Variants in ATL2 observed in about 807,000 individuals in gnomAD.
The protein encoded by ATL2 is atlastin-2.
A neutral mutation model predicts 73.9 loss-of-function variants in ATL2; 31 were observed. The observed-to-expected ratio is 0.42, with a 90% confidence interval of 0.32 to 0.57. The LOEUF (loss-of-function observed/expected upper bound fraction) is 0.57, where lower values mean the gene tolerates loss of function less well. ATL2 is among the 20% of genes least tolerant of loss of function. The pLI is 0.14. For synonymous variants in ATL2, 291 were observed against 237.5 expected (o/e 1.23, Z -2.07); for missense variants, 738 against 702.6 (o/e 1.05, Z -0.57).
intron 1 of ATL2, among the ~76,000 whole-genome samples, chr2:38,360,295 ATTTGT>A (rs1240851435): frequency 3.0e-5 from 4 of 133,872 alleles, no homozygotes; most frequent in African/African-American, 1.2e-4. Context: ...TGTTTTGCTT[ATTTGT>A]TTTGAGATGG....
chr2:38,364,872 G>A (rs1445368549), intron 1 of ATL2, among the ~76,000 whole-genome samples: 11 of 151,936 alleles, frequency 7.2e-5, no homozygotes, highest in Non-Finnish European at 1.5e-4. Flanking sequence ...GTGAAACTCC[G>A]TCTCTACTAA....
At chr2:38,357,864 G>T (rs1267227891) in intron 1 of ATL2, among the ~76,000 whole-genome samples, 1 of 151,896 alleles carries the variant, frequency 6.6e-6, no homozygotes, top group African/African-American at 2.4e-5. Flanking sequence ...CACTCCCACA[G>T]GCTTTATAGA....
chr2:38,309,874 CAGCCATACTGTAAAAGTTTTG>C (rs1667652857), intron 8 of ATL2, among the ~76,000 whole-genome samples: 1 of 152,050 alleles, frequency 6.6e-6, no homozygotes, highest in Non-Finnish European at 1.5e-5. Flanking sequence ...TATGTTTTAC[CAGCCATACTGTAAAAGTTTTG>C]TCAATCCCCA....
intron 1 of ATL2, among the ~76,000 whole-genome samples, chr2:38,356,735 A>C (rs1573564423): frequency 6.6e-6 from 1 of 152,204 alleles, no homozygotes; most frequent in Non-Finnish European, 1.5e-5. Context: ...AATGTAAATA[A>C]AATTAAATAA....
At chr2:38,342,531 T>C (rs985268498) in intron 2 of ATL2, among the ~76,000 whole-genome samples, 3 of 152,060 alleles carry the variant, frequency 2.0e-5, no homozygotes, top group African/African-American at 7.2e-5. Context: ...AGAGATGAGA[T>C]TCAGAGATCA....
intron 1 of ATL2, among the ~76,000 whole-genome samples, chr2:38,352,952 G>C (rs1293531196): frequency 6.6e-6 from 1 of 152,212 alleles, no homozygotes; most frequent in African/African-American, 2.4e-5. Flanking sequence ...CCAAGGTCAA[G>C]ATCCATCAGT....
At chr2:38,347,767 CTTTTTTTTT>C (rs1177228968) in intron 1 of ATL2, among the ~76,000 whole-genome samples, 2 of 133,900 alleles carry the variant, frequency 1.5e-5, no homozygotes, top group South Asian at 4.8e-4. Context: ...CTGCCCTTAC[CTTTTTTTTT>C]TTTTTTTTTT....
chr2:38,328,590 C>A (rs1668801066), intron 2 of ATL2, among the ~76,000 whole-genome samples: 1 of 151,912 alleles, frequency 6.6e-6, no homozygotes, highest in South Asian at 2.1e-4. Flanking sequence ...ACACAGGAGT[C>A]AAGGAAATCT....
chr2:38,350,388 C>G (rs868426979), intron 1 of ATL2, among the ~76,000 whole-genome samples: 1 of 152,162 alleles, frequency 6.6e-6, no homozygotes, highest in African/African-American at 2.4e-5. Flanking sequence ...ATTTGCCACA[C>G]GGCCTAACAA....
chr2:38,361,441 A>G (rs1259843546), intron 1 of ATL2, among the ~76,000 whole-genome samples: 1 of 152,118 alleles, frequency 6.6e-6, no homozygotes, highest in Non-Finnish European at 1.5e-5. Flanking sequence ...ACAACACAAT[A>G]CTGTATATTA....
chr2:38,334,878 TTATATAATATATAA>T (rs983995163), intron 2 of ATL2, among the ~76,000 whole-genome samples: 1 of 134,782 alleles, frequency 7.4e-6, no homozygotes, highest in African/African-American at 2.7e-5. Context: ...ATAATATATA[TTATATAATATATAA>T]TATATATTAT....
At chr2:38,319,729 G>A (rs1273987098) in intron 2 of ATL2, among the ~76,000 whole-genome samples, 1 of 152,126 alleles carries the variant, frequency 6.6e-6, no homozygotes, top group Non-Finnish European at 1.5e-5. Flanking sequence ...CTAAGTTCCA[G>A]GTAGAATGAC....
chr2:38,320,712 T>C (rs1433232084), intron 2 of ATL2, among the ~76,000 whole-genome samples: 1 of 152,182 alleles, frequency 6.6e-6, no homozygotes, highest in Admixed American at 6.5e-5. Context: ...TCAGAAATAC[T>C]TCTAATAAGC....
chr2:38,310,104 A>T (rs997454200), intron 8 of ATL2, among the ~76,000 whole-genome samples: 1 of 152,250 alleles, frequency 6.6e-6, no homozygotes, highest in South Asian at 2.1e-4. Flanking sequence ...ACATTATAAA[A>T]TAGGTTAATC....
intron 7 of ATL2, among the ~76,000 whole-genome samples, chr2:38,312,706 TAAA>T (rs368819561): frequency 2.5e-5 from 3 of 120,294 alleles, no homozygotes; most frequent in African/African-American, 3.8e-5. Context: ...GAGACTGTCT[TAAA>T]AAAAAAAAAA....
chr2:38,375,910 C>T (rs2124513526), intron 1 of ATL2, among the ~76,000 whole-genome samples: 1 of 152,280 alleles, frequency 6.6e-6, no homozygotes, highest in East Asian at 1.9e-4. Context: ...TCTGTCATCA[C>T]CTCTGACATG....
intron 1 of ATL2, among the ~76,000 whole-genome samples, chr2:38,349,306 A>T (rs1670207590): frequency 6.6e-6 from 1 of 152,050 alleles, no homozygotes; most frequent in East Asian, 1.9e-4. Context: ...GGATTAAGAA[A>T]ATGTGGCACA....
chr2:38,354,048 CCGGCGTGGTGGCACGCA>C (rs1558443631), intron 1 of ATL2: 3 of 294,774 alleles, frequency 1.0e-5, no homozygotes, highest in Non-Finnish European at 2.0e-5. Flanking sequence ...AAAAAATTAG[CCGGCGTGGTGGCACGCA>C]CCTGTAATCC....
chr2:38,327,540 C>CAAAAAAAAAAAAAAAAAAAAAGAAA (rs56332855), intron 2 of ATL2, among the ~76,000 whole-genome samples: 3 of 89,944 alleles, frequency 3.3e-5, no homozygotes, highest in Non-Finnish European at 7.1e-5. Context: ...AAAAAAAGTA[C>CAAAAAAAAAAAAAAAAAAAAAGAAA]AAAAAAAAAA....
Sources: gnomAD v4.1 joint callset for allele counts (sites outside exome capture counted in the v4.1 genomes callset) on GRCh38, gnomAD v4.1.1 for gene constraint, MANE v1.5 for transcripts, NCBI Gene and HGNC (gene_info 2026-07-23, HGNC 2026-07-21) for gene names.